Variants in EYS observed in about 807,000 individuals in gnomAD.
EYS encodes the protein protein eyes shut homolog.
Under a neutral mutation model 282.1 loss-of-function variants are expected in EYS, and 250 were observed. That is an observed-to-expected ratio of 0.89 (90% confidence interval 0.80 to 0.98). EYS has a LOEUF of 0.98. EYS is among the 50% of genes least tolerant of loss of function. The pLI, the probability that EYS is intolerant of heterozygous loss-of-function variation, is 0.00. For missense variants in EYS, 4,016 were observed against 3,709.0 expected (o/e 1.08, Z -2.15); for synonymous variants, 1,355 against 1,282.9 (o/e 1.06, Z -1.20).
intron 6 of EYS, among the ~76,000 whole-genome samples, chr6:65,403,784 C>A (rs143385920): frequency 1.3e-5 from 2 of 151,968 alleles, no homozygotes; most frequent in African/African-American, 4.8e-5. Flanking sequence ...CATACATCCA[C>A]TAAAAGTCGC....
At chr6:64,252,841 C>T (rs1017427999) in intron 30 of EYS, among the ~76,000 whole-genome samples, 6 of 152,150 alleles carry the variant, frequency 3.9e-5, no homozygotes, top group African/African-American at 1.2e-4. Flanking sequence ...ACTGCAATAG[C>T]TTATTTATTT....
intron 14 of EYS, among the ~76,000 whole-genome samples, chr6:64,971,296 C>G (rs1770284820): frequency 6.1e-5 from 1 of 16,360 alleles, no homozygotes; most frequent in Admixed American, 6.5e-4. Context: ...GTGTCCTATT[C>G]TAGAAAAAAA....
chr6:64,072,887 G>A (rs932642094), intron 32 of EYS, among the ~76,000 whole-genome samples: 2 of 151,928 alleles, frequency 1.3e-5, no homozygotes, highest in Non-Finnish European at 2.9e-5. Context: ...AGGTCAAGCT[G>A]TTGTGCCATA....
chr6:64,608,780 T>A (rs1371534895), intron 24 of EYS, among the ~76,000 whole-genome samples: 1 of 152,118 alleles, frequency 6.6e-6, no homozygotes, highest in Non-Finnish European at 1.5e-5. Flanking sequence ...AAATCCCCAT[T>A]ATTAAGTGAA....
At position 65,472,390 on chromosome 6, in the gene EYS, T is replaced by C. The variant is rs1765248258; in HGVS notation, c.862+18204A>G. Among the ~76,000 whole-genome samples, 4 of 152,062 alleles carry C rather than the reference T, an allele frequency of 2.6e-5. No homozygotes were observed. In the South Asian group the frequency reaches 8.3e-4, roughly 32 times the overall value. On this transcript the variant is annotated intron_variant, in intron 5 of 42. Transcript: ENST00000503581. ...TGTTTTATAATTATTTTGCAAATTA[T>C]ATTTTCAATATCTACACTAAAATGT... is the stretch of plus-strand genomic sequence containing the variant.
intron 8 of EYS, among the ~76,000 whole-genome samples, chr6:65,363,969 T>A (rs1180382537): frequency 2.0e-5 from 3 of 151,490 alleles, no homozygotes; most frequent in African/African-American, 7.2e-5. Context: ...TTTTTTATTG[T>A]GCTACAATAA....
chr6:63,759,638 A>T (rs1769582015), intron 41 of EYS, among the ~76,000 whole-genome samples: 1 of 152,110 alleles, frequency 6.6e-6, no homozygotes, highest in Non-Finnish European at 1.5e-5. Flanking sequence ...ACCTCTATTA[A>T]TTATCACAGT....
chr6:64,987,550 T>G (rs940371924), intron 14 of EYS, among the ~76,000 whole-genome samples: 3 of 151,422 alleles, frequency 2.0e-5, no homozygotes, highest in Non-Finnish European at 4.4e-5. Context: ...GTTTTGTGAG[T>G]CCTGTGGGCA....
At chr6:65,320,436 T>C (rs1293955020) in intron 11 of EYS, among the ~76,000 whole-genome samples, 1 of 152,106 alleles carries the variant, frequency 6.6e-6, no homozygotes, top group Non-Finnish European at 1.5e-5. Flanking sequence ...AAGGAGATGA[T>C]GAGTATCAGT....
chr6:64,305,114 A>T (rs544137362), intron 30 of EYS, among the ~76,000 whole-genome samples: 12 of 152,360 alleles, frequency 7.9e-5, no homozygotes, highest in African/African-American at 2.6e-4. Flanking sequence ...AACTTAGTTG[A>T]TGATATTGTA....
chr6:65,466,416 A>G (rs1345834640), intron 5 of EYS, among the ~76,000 whole-genome samples: 1 of 152,156 alleles, frequency 6.6e-6, no homozygotes, highest in East Asian at 1.9e-4. Context: ...TTTATTAGAA[A>G]CAAATTCATT....
intron 22 of EYS, among the ~76,000 whole-genome samples, chr6:64,648,127 C>T (rs553951430): frequency 3.3e-5 from 5 of 152,266 alleles, no homozygotes; most frequent in Non-Finnish European, 7.4e-5. Flanking sequence ...TTCTCTCATA[C>T]ACTCATAGCC....
intron 36 of EYS, among the ~76,000 whole-genome samples, chr6:63,856,648 A>C (rs895010059): frequency 1.3e-5 from 2 of 152,216 alleles, no homozygotes; most frequent in Non-Finnish European, 2.9e-5. Context: ...AAATAGTTTT[A>C]AGATGAGAGG....
chr6:65,435,847 G>A (rs550067248), intron 5 of EYS, among the ~76,000 whole-genome samples: 5 of 152,224 alleles, frequency 3.3e-5, no homozygotes, highest in African/African-American at 1.2e-4. Context: ...ATAAGTAAAG[G>A]AGATTAGGAC....
chr6:65,129,678 G>T (rs1009237923), intron 12 of EYS, among the ~76,000 whole-genome samples: 14 of 151,860 alleles, frequency 9.2e-5, no homozygotes, highest in Non-Finnish European at 1.5e-5. Context: ...TACCTCTGAG[G>T]CTGCAGAGGA....
At chr6:64,317,008 C>T (rs951531330) in intron 29 of EYS, among the ~76,000 whole-genome samples, 22 of 152,250 alleles carry the variant, frequency 1.4e-4, no homozygotes, top group Admixed American at 1.2e-3. Flanking sequence ...ACTGGCTGCC[C>T]ATATGCAGGA....
At chr6:63,863,020 A>T (rs1417860038) in intron 36 of EYS, among the ~76,000 whole-genome samples, 1 of 152,210 alleles carries the variant, frequency 6.6e-6, no homozygotes, top group African/African-American at 2.4e-5. Context: ...CCACATCAGG[A>T]TGTGGTGCCC....
intron 12 of EYS, among the ~76,000 whole-genome samples, chr6:65,225,428 C>T (rs563987473): frequency 8.9e-4 from 135 of 151,746 alleles, no homozygotes; most frequent in Non-Finnish European, 1.5e-3. Context: ...AAAACCAATC[C>T]ACATAGGCTG....
intron 41 of EYS, among the ~76,000 whole-genome samples, chr6:63,741,215 C>T (rs571950520): frequency 1.4e-4 from 21 of 152,254 alleles, no homozygotes; most frequent in African/African-American, 5.1e-4. Context: ...ATGATCACCA[C>T]TTTTATGGTC....
Sources: allele counts gnomAD v4.1 joint callset (sites outside exome capture counted in the v4.1 genomes callset), GRCh38; gene constraint gnomAD v4.1.1; transcripts MANE v1.5; gene names NCBI Gene and HGNC (gene_info 2026-07-23, HGNC 2026-07-21).